Variants in NUP214 observed in about 807,000 individuals in gnomAD.
The protein encoded by NUP214 is nuclear pore complex protein Nup214.
Under a neutral mutation model 196.2 loss-of-function variants are expected in NUP214, and 79 were observed. The ratio of observed to expected loss-of-function variants is 0.40; its 90% CI spans 0.34 to 0.49. The LOEUF (loss-of-function observed/expected upper bound fraction) is 0.49, where lower values mean the gene tolerates loss of function less well. Ranked by LOEUF, NUP214 falls within the 20% of genes least tolerant of loss-of-function variation. NUP214 has a pLI of 0.58. For synonymous variants in NUP214, 1,020 were observed against 990.5 expected, an observed-to-expected ratio of 1.03 and a Z score of -0.56; for missense variants, 2,468 against 2,539.0, an observed-to-expected ratio of 0.97 and a Z score of 0.60.
In NUP214 at chr9:131,198,319, G is replaced by A. The variant is rs902919600; in HGVS notation, c.4825G>A (p.Val1609Ile). Residue 1609 changes from valine (V) to isoleucine (I), a missense_variant, in exon 29 of 36, where the codon GTC becomes ATC. Around this residue, in one of 5 missense-constraint regions of NUP214, gnomAD observed 1,801 missense variants for 1,779.4 expected, o/e 1.01. Transcript: ENST00000359428. ...AAISSAGPVA[V>I]ETSSTPIASS... ...TATCTCAAGTGCAGGCCCTGTGGCC[G>A]TCGAAACATCAAGTACCCCCATAGC... 1.6e-5 allele frequency: 26 copies of A among 1,614,074 alleles called. No homozygotes were observed. In the African/African-American group the frequency reaches 2.0e-4, roughly 12 times the overall value.
At chr9:131,156,063 T>G (rs1420583910) in intron 17 of NUP214, among the ~76,000 whole-genome samples, 10 of 152,168 alleles carry the variant, frequency 6.6e-5, no homozygotes, top group African/African-American at 9.6e-5. Flanking sequence ...TGTAAATTGT[T>G]TTTGACAGCA....
intron 21 of NUP214, 193 bp downstream of exon 21, chr9:131,164,337 A>C (rs919600931): frequency 1.7e-6 from 1 of 594,692 alleles, no homozygotes; most frequent in Non-Finnish European, 3.0e-6. Flanking sequence ...GAATAGTGGA[A>C]TAAGAACCAG....
rs182794290 is a variant in NUP214, at chr9:131,156,379, G to A, written c.2437-3004G>A. On this transcript the variant is annotated intron_variant, in intron 17 of 35. Coordinates refer to ENST00000359428, the MANE Select transcript of NUP214 (RefSeq NM_005085.4). ...GATCTCCTGACCTCATGATCCACCCGCCTAGGCCTCCCAAAGTGCTGGGAT... is the reference window on the plus strand; with the variant it reads ...GATCTCCTGACCTCATGATCCACCCACCTAGGCCTCCCAAAGTGCTGGGAT... 8.6e-5 allele frequency among the ~76,000 whole-genome samples: 13 copies of A among 151,850 alleles called. No individual in the cohort carries two copies. The South Asian group carries it at 1.9e-3, about 22-fold the overall frequency.
At chr9:131,203,010 A>G (rs533340286) in intron 30 of NUP214, among the ~76,000 whole-genome samples, 181 of 151,354 alleles carry the variant, frequency 1.2e-3, no homozygotes, top group African/African-American at 4.3e-3. Flanking sequence ...CAGTGGTGCT[A>G]TCTCGGCTCA....
At position 131,128,314 on chromosome 9, in the gene NUP214, AT is replaced by A; in HGVS notation, c.242-11del. 3.7e-6 allele frequency: 6 copies of A among 1,601,786 alleles called. No homozygotes were observed. The highest frequency in any genetic ancestry group is 4.3e-6 in the Non-Finnish European group (5 of 1,172,204). ...TAGAACATACCGTTTTCTGCTTTGT[AT>A]TTTTTTGTTTTCATAGTTGATAAAG... On this transcript the variant is annotated splice_polypyrimidine_tract_variant and intron_variant, in intron 2 of 35. Transcript: ENST00000359428.
At chr9:131,217,936 G>A (rs1045484331) in intron 31 of NUP214, among the ~76,000 whole-genome samples, 2 of 152,194 alleles carry the variant, frequency 1.3e-5, no homozygotes, top group South Asian at 2.1e-4. Flanking sequence ...ATCGTTTGGG[G>A]TAACCTGAAA....
chr9:131,201,521 C>T (rs996852641), intron 29 of NUP214, 126 bp from the exon 30 acceptor site: 7 of 677,198 alleles, frequency 1.0e-5, no homozygotes, highest in African/African-American at 1.8e-5. Context: ...GCCAAGATCC[C>T]ACCATTGCAC....
At chr9:131,225,282 G>T (rs1834690023) in intron 32 of NUP214, among the ~76,000 whole-genome samples, 1 of 151,400 alleles carries the variant, frequency 6.6e-6, no homozygotes, top group African/African-American at 2.4e-5. Flanking sequence ...AGCCAGGCAC[G>T]TTGGTGCACA....
At chr9:131,175,010 T>G (rs1833074961) in intron 22 of NUP214, among the ~76,000 whole-genome samples, 1 of 152,200 alleles carries the variant, frequency 6.6e-6, no homozygotes, top group Non-Finnish European at 1.5e-5. Context: ...TCAGCCTGAC[T>G]TGTGGCATAT....
At chr9:131,126,779 A>G (rs1443029380) in intron 1 of NUP214, among the ~76,000 whole-genome samples, 1 of 151,928 alleles carries the variant, frequency 6.6e-6, no homozygotes, top group African/African-American at 2.4e-5. Context: ...CGAACTCCTG[A>G]CCTAACGTGA....
chr9:131,130,862 A>G, intron 5 of NUP214, 26 bp downstream of exon 5: 1 of 1,605,982 alleles, frequency 6.2e-7, no homozygotes, highest in Non-Finnish European at 8.5e-7. Context: ...GAACTTCAGA[A>G]TTTTTCTTAA....
chr9:131,153,923 A>G (rs1433068881), intron 17 of NUP214, among the ~76,000 whole-genome samples: 1 of 152,220 alleles, frequency 6.6e-6, no homozygotes, highest in African/African-American at 2.4e-5. Flanking sequence ...ATATGTTGCT[A>G]TGGGACCACA....
chr9:131,234,658 C>T lies in NUP214; in HGVS notation c.*1171C>T, dbSNP rs568428082. On this transcript the variant is annotated 3_prime_UTR_variant, in exon 36 of 36. Coordinates refer to ENST00000359428, the MANE Select transcript of NUP214 (RefSeq NM_005085.4). ...ATGTTTTAATAAAAGTTTGACATGA[C>T]ATTAATTCATCATGTTGCAGACAGT... 2 of 213,794 alleles carry T rather than the reference C, an allele frequency of 9.4e-6. No homozygotes were observed. Among genetic ancestry groups the T allele is most frequent in the Admixed American group, 5.9e-5 (1 of 17,076 alleles). The allele number at this position is 213,794 out of a possible 1,614,324, so 13.2% of individuals were successfully genotyped here.
At chr9:131,205,935 G>A (rs894539326) in intron 30 of NUP214, among the ~76,000 whole-genome samples, 2 of 151,978 alleles carry the variant, frequency 1.3e-5, no homozygotes, top group South Asian at 2.1e-4. Flanking sequence ...TGCCCACCTC[G>A]ACTTCCCAAA....
At position 131,146,242 on chromosome 9, in the gene NUP214, C is replaced by G. The variant is rs764119454; in HGVS notation, c.1883C>G (p.Thr628Arg). 1.9e-6 allele frequency: 3 copies of G among 1,614,178 alleles called. No homozygotes were observed. The African/African-American group carries it at 4.0e-5, about 22-fold the overall frequency. ...GCTTCTGGACCACTCAGCCACCCCA[C>G]ACCTCTCTCAGCACCACCTAGTTCC... ...PAASGPLSHPTPLSAPPSSVP... is the reference protein window; with the variant it reads ...PAASGPLSHPRPLSAPPSSVP... Residue 628 changes from threonine (T) to arginine (R), a missense_variant, in exon 13 of 36, where the codon ACA becomes AGA. Physicochemically the swap from Thr to Arg is moderately conservative, Grantham distance 71 (BLOSUM62 -1). Around this residue, in one of 5 missense-constraint regions of NUP214, gnomAD observed 1,801 missense variants for 1,779.4 expected, o/e 1.01. Transcript: ENST00000359428. This position sits in a 1 kb window ranked among gnomAD's most constrained non-coding sequence, Gnocchi z 4.6.
intron 26 of NUP214, 105 bp downstream of exon 26, chr9:131,189,236 T>G: frequency 1.1e-6 from 1 of 907,914 alleles, no homozygotes; most frequent in Non-Finnish European, 1.8e-6. Flanking sequence ...AGGAGTCACA[T>G]TTGATGAGAT....
At chr9:131,192,516 T>A in intron 27 of NUP214, 1 of 361,254 alleles carries the variant, frequency 2.8e-6, no homozygotes, top group Non-Finnish European at 4.9e-6. Context: ...TTTGTGTATC[T>A]GTTTTGTTTT....
intron 22 of NUP214, among the ~76,000 whole-genome samples, chr9:131,174,804 G>A (rs1833069219): frequency 6.6e-6 from 1 of 152,158 alleles, no homozygotes; most frequent in South Asian, 2.1e-4. Flanking sequence ...TGATTGAAAA[G>A]ATGTGTGTTC....
intron 21 of NUP214, among the ~76,000 whole-genome samples, chr9:131,170,050 G>A (rs762339890): frequency 6.6e-6 from 1 of 152,048 alleles, no homozygotes; most frequent in African/African-American, 2.4e-5. Context: ...GTTTCAGTTC[G>A]GGAAGATGAA....
Sources: gnomAD v4.1 joint callset for allele counts (sites outside exome capture counted in the v4.1 genomes callset) on GRCh38, gnomAD v4.1.1 for gene constraint, gnomAD v4.1.1 regional missense constraint, Gnocchi (gnomAD v3.1) non-coding constraint, MANE v1.5 for transcripts, NCBI Gene and HGNC (gene_info 2026-07-23, HGNC 2026-07-21) for gene names.